The following SPTBN5 variants were observed in gnomAD, a reference collection of about 807,000 sequenced individuals.
SPTBN5 encodes spectrin beta, non-erythrocytic 5, also known as spectrin beta chain, non-erythrocytic 5.
Under a neutral mutation model 477.6 loss-of-function variants are expected in SPTBN5, and 513 were observed. That is an observed-to-expected ratio of 1.07 (90% CI 1.00 to 1.16). The LOEUF (loss-of-function observed/expected upper bound fraction) is 1.16, where lower values mean the gene tolerates loss of function less well. Among genes scored for constraint, SPTBN5 ranks in the 50% most tolerant of loss-of-function variants. The pLI is 0.00. For synonymous variants in SPTBN5, 2,169 were observed against 2,011.7 expected (o/e 1.08, Z -2.09); for missense variants, 5,062 against 4,731.8 (o/e 1.07, Z -2.05).
At position 41,848,559 on chromosome 15, in the gene SPTBN5, C is replaced by G. The variant is rs1456343074; in HGVS notation, c.*57G>C. Reference sequence around the variant, plus strand: ...GCCTGTAGCTGAGTCTTATTCTGGTCCCTTAGATGTGTCCTCGCTTGTGCC... The same window carrying G: ...GCCTGTAGCTGAGTCTTATTCTGGTGCCTTAGATGTGTCCTCGCTTGTGCC... On this transcript the variant is annotated 3_prime_UTR_variant, in exon 68 of 68. Coordinates refer to ENST00000320955, the MANE Select transcript of SPTBN5 (RefSeq NM_016642.4). 6.2e-7 allele frequency: 1 copy of G among 1,608,562 alleles called. No individual in the cohort carries two copies. Among genetic ancestry groups the G allele is most frequent in the African/African-American group, 1.3e-5 (1 of 74,804 alleles).
Position 41,880,231 on chromosome 15 carries a change from T to C in SPTBN5, c.2740A>G (p.Lys914Glu), listed in dbSNP as rs200948092. 236 of 1,602,600 alleles carry C rather than the reference T, an allele frequency of 1.5e-4. 2 individuals carry two copies. The South Asian group carries it at 1.8e-3, about 12-fold the overall frequency. ...ACCCTTTGGAGCAGCACTGTCTGCT[T>C]CTCCAGCCACAACTGGAGCTCCCCA... Reference protein sequence around the residue: ...SCGELQLWLEKQTVLLQRVQP... With the variant: ...SCGELQLWLEEQTVLLQRVQP... The change falls in exon 14 of 68, where the codon AAG becomes GAG. Residue 914 changes from lysine (K) to glutamate (E), a missense_variant. Lys to Glu is a moderately conservative substitution (Grantham distance 56, BLOSUM62 1). Coordinates refer to ENST00000320955, the MANE Select transcript of SPTBN5 (RefSeq NM_016642.4).
At chr15:41,850,133 T>C in intron 66 of SPTBN5, 174 bp from the exon 67 acceptor site, 1 of 609,792 alleles carries the variant, frequency 1.6e-6, no homozygotes. Context: ...TGGGCAGGTT[T>C]TTCCCCCATG....
chr15:41,850,837 C>A lies in SPTBN5; in HGVS notation c.10921+17G>T. 1 of 1,581,380 alleles carries A rather than the reference C, an allele frequency of 6.3e-7. No individual in the cohort carries two copies. Among genetic ancestry groups the A allele is most frequent in the Non-Finnish European group, 8.6e-7 (1 of 1,164,708 alleles). On this transcript the variant is annotated intron_variant, in intron 66 of 67. Transcript: ENST00000320955. ...GGGAGTCGGCCGCCCTCCCCGCATC[C>A]TTCCCCTGAAGCCCACCTGCAGTGC... is the stretch of plus-strand genomic sequence containing the variant.
At position 41,867,106 on chromosome 15, in the gene SPTBN5, C is replaced by T. The variant is rs1356657105; in HGVS notation, c.6333G>A (p.Arg2111=). 6.5e-7 allele frequency: 1 copy of T among 1,539,222 alleles called. No homozygotes were observed. The highest frequency in any genetic ancestry group is 1.2e-5 in the South Asian group (1 of 83,652). ...CCCGGGGGCGCCGGAGCGTCTTCAG[C>T]CGCTCACGCAGGGCTGCCTCCTGTG... The part of the protein sequence containing the change: ...QDKKEAALRE[R]LKTLRRPRVR... The change falls in exon 36 of 68, where the codon CGG becomes CGA. Residue 2111 remains arginine (R), a synonymous_variant. Transcript: ENST00000320955.
Position 41,876,203 on chromosome 15 carries a change from G to A in SPTBN5, c.4033C>T (p.Arg1345Cys), listed in dbSNP as rs560243941. 3.1e-6 allele frequency: 5 copies of A among 1,605,254 alleles called. No homozygotes were observed. Among genetic ancestry groups the A allele is most frequent in the African/African-American group, 2.7e-5 (2 of 74,918 alleles). ...TTGAGTGTCTGCAGGATGTTTCTGC[G>A]CGCTCCGGAGGGCTCATGCGCAGCC... ...LMAAHEPSGA[R>C]RNILQTLKRH... The change falls in exon 21 of 68, where the codon CGC becomes TGC. Residue 1345 changes from arginine (R) to cysteine (C), a missense_variant. Arg to Cys is a radical substitution (Grantham distance 180). Transcript: ENST00000320955.
chr15:41,882,996 C>G lies in SPTBN5; in HGVS notation c.1892G>C (p.Arg631Pro). The change falls in exon 9 of 68, where the codon CGG becomes CCG. Residue 631 changes from arginine to proline, a missense_variant and splice_region_variant. Arg to Pro is a moderately radical substitution (Grantham distance 103). Transcript: ENST00000320955. ...QQSLVALVRA[R>P]RALLEQTLQR... ...TGGAAGAGTTGGGGCAGGCTCTTAC[C>G]GGGCCCTGACAAGAGCCACCAGGCT... The G allele has an allele frequency of 6.5e-7, 1 of 1,538,230 alleles. No individual in the cohort carries two copies.
Position 41,855,273 on chromosome 15 carries a change from G to T in SPTBN5, c.9374C>A (p.Ala3125Glu). 1 of 1,612,368 alleles carries T rather than the reference G, an allele frequency of 6.2e-7. No homozygotes were observed. ...LLLDAWLTTK[A>E]ATAESQDYGQ... ...GTAGTCCTGGGACTCGGCGGTGGCC[G>T]CCTTGGTGGTCAGCCAGGCGTCGAG... Residue 3125 changes from alanine to glutamate, a missense_variant, in exon 55 of 68, where the codon GCG becomes GAG. Transcript: ENST00000320955.
At position 41,856,932 on chromosome 15, in the gene SPTBN5, T is replaced by G; in HGVS notation, c.8729A>C (p.Gln2910Pro). ...RDADEEMAWVQEKLPLAAAQD... is the reference protein window; with the variant it reads ...RDADEEMAWVPEKLPLAAAQD... ...GGCAGCGGCCAGAGGCAGCTTCTCC[T>G]GCACCCAGGCCATTTCCTCGTCGGC... is the stretch of plus-strand genomic sequence containing the variant. Residue 2910 changes from glutamine to proline, a missense_variant, in exon 52 of 68, where the codon CAG (glutamine) becomes CCG (proline). Coordinates refer to ENST00000320955, the MANE Select transcript of SPTBN5 (RefSeq NM_016642.4). The G allele has an allele frequency of 6.4e-7, 1 of 1,570,294 alleles. No homozygotes were observed. Among genetic ancestry groups the G allele is most frequent in the Non-Finnish European group, 8.6e-7 (1 of 1,158,354 alleles).
chr15:41,852,697 G>C lies in SPTBN5; in HGVS notation c.10386C>G (p.His3462Gln), dbSNP rs1159364405. 3 of 1,613,346 alleles carry C rather than the reference G, an allele frequency of 1.9e-6. No homozygotes were observed. Among genetic ancestry groups the C allele is most frequent in the African/African-American group, 2.7e-5 (2 of 74,918 alleles). Residue 3462 changes from histidine (H) to glutamine (Q), a missense_variant, in exon 61 of 68, where the codon CAC becomes CAG. Coordinates refer to ENST00000320955, the MANE Select transcript of SPTBN5 (RefSeq NM_016642.4). ...VSDVELLLHR[H>Q]QDLEKLLAAQ... Reference sequence around the variant, plus strand: ...CTGCCAGCAGCTTTTCTAAGTCCTGGTGTCTGTGCAGCAGCAACTCCACAT... The same window carrying C: ...CTGCCAGCAGCTTTTCTAAGTCCTGCTGTCTGTGCAGCAGCAACTCCACAT...
chr15:41,866,706 C>T (rs955062363), intron 36 of SPTBN5, among the ~76,000 whole-genome samples: 1 of 152,174 alleles, frequency 6.6e-6, no homozygotes, highest in Admixed American at 6.5e-5. Context: ...AGGTGTGGCC[C>T]CTACTCCTGG....
rs1227830454 is a variant in SPTBN5 at position 41,860,638 on chromosome 15, C to T, written c.7936G>A (p.Gly2646Arg). The T allele has an allele frequency of 3.3e-6, 5 of 1,537,588 alleles. No individual in the cohort carries two copies. The highest frequency in any genetic ancestry group is 4.4e-6 in the Non-Finnish European group (5 of 1,141,024). The change falls in exon 47 of 68, where the codon GGG becomes AGG. Residue 2646 changes from glycine to arginine, a missense_variant. Physicochemically the swap from Gly to Arg is moderately radical, Grantham distance 125 (BLOSUM62 -2). Transcript: ENST00000320955. Reference sequence around the variant, plus strand: ...AGGGCACTCTGGGCCTCGGGGTGCCCACCCTGGTGCAGGCCGCGGGCCGTG... The same window carrying T: ...AGGGCACTCTGGGCCTCGGGGTGCCTACCCTGGTGCAGGCCGCGGGCCGTG... Reference protein sequence around the residue: ...EATARGLHQGGHPEAQSALGR... With the variant: ...EATARGLHQGRHPEAQSALGR...
At chr15:41,860,879 AAC>A (rs2140925396) in intron 46 of SPTBN5, 121 bp from the exon 47 acceptor site, 1 of 1,003,728 alleles carries the variant, frequency 1.0e-6, no homozygotes, top group Admixed American at 3.7e-5. Flanking sequence ...GCTCCGCCCA[AAC>A]ACATCCCTCA....
rs2066901474 is a variant in SPTBN5, at chr15:41,880,209, C to G, written c.2762G>C (p.Arg921Thr). 1 of 1,604,842 alleles carries G rather than the reference C, an allele frequency of 6.2e-7. No individual in the cohort carries two copies. The highest frequency in any genetic ancestry group is 8.5e-7 in the Non-Finnish European group (1 of 1,176,444). ...CAGGGTGTCAGCCTGGGGCTGCACCCTTTGGAGCAGCACTGTCTGCTTCTC... is the reference window on the plus strand; with the variant it reads ...CAGGGTGTCAGCCTGGGGCTGCACCGTTTGGAGCAGCACTGTCTGCTTCTC... ...WLEKQTVLLQRVQPQADTLEV... is the reference protein window; with the variant it reads ...WLEKQTVLLQTVQPQADTLEV... Residue 921 changes from arginine to threonine, a missense_variant, in exon 14 of 68, where the codon AGG becomes ACG. Coordinates refer to ENST00000320955, the MANE Select transcript of SPTBN5 (RefSeq NM_016642.4).
chr15:41,880,652 C>T (rs1306872991), intron 13 of SPTBN5, among the ~76,000 whole-genome samples: 2 of 152,074 alleles, frequency 1.3e-5, no homozygotes, highest in African/African-American at 4.8e-5. Context: ...CCTCTCTAGT[C>T]TCTCCTCTGG....
chr15:41,873,890 A>G lies in SPTBN5; in HGVS notation c.4845T>C (p.Cys1615=). The G allele has an allele frequency of 1.2e-6, 2 of 1,611,462 alleles. No homozygotes were observed. The highest frequency in any genetic ancestry group is 1.7e-6 in the Non-Finnish European group (2 of 1,179,878). ...EGHWAELERA[C]EARAQCLQQA... is the part of the protein sequence containing the mutation. Reference sequence around the variant, plus strand: ...GCTGCAGACACTGGGCCCGCGCTTCACATGCCCTCTCCAGCTCTGCCCAGT... The same window carrying G: ...GCTGCAGACACTGGGCCCGCGCTTCGCATGCCCTCTCCAGCTCTGCCCAGT... Residue 1615 remains cysteine, a synonymous_variant, in exon 25 of 68, where the codon TGT becomes TGC. Transcript: ENST00000320955.
chr15:41,866,174 C>A lies in SPTBN5; in HGVS notation c.6686G>T (p.Arg2229Leu), dbSNP rs1329802632. The A allele has an allele frequency of 6.4e-7, 1 of 1,571,610 alleles. No homozygotes were observed. Among genetic ancestry groups the A allele is most frequent in the Admixed American group, 1.9e-5 (1 of 53,714 alleles). The change falls in exon 38 of 68, where the codon CGG (arginine) becomes CTG (leucine). Residue 2229 changes from arginine (R) to leucine (L), a missense_variant. By Grantham distance (102) the Arg-to-Leu change is moderately radical (BLOSUM62 -2). Coordinates refer to ENST00000320955, the MANE Select transcript of SPTBN5 (RefSeq NM_016642.4). ...CCAGTGCTTCCGCAGGCCCTGCAGC[C>A]GCTGGGAGACCTCTCCGGCTCGAGG... is the stretch of plus-strand genomic sequence containing the variant. The part of the protein sequence containing the change: ...SHPRAGEVSQ[R>L]LQGLRKHWED...
Position 41,852,869 on chromosome 15 carries a change from G to A in SPTBN5, c.10302C>T (p.Ala3434=). Residue 3434 remains alanine (A), a synonymous_variant, in exon 60 of 68, where the codon GCC becomes GCT. Transcript: ENST00000320955. ...KLRQRLEQAE[A]WLACWEGLLL... is the part of the protein sequence containing the mutation. ...GGAGTCCCTCCCAGCAGGCCAGCCA[G>A]GCCTCAGCCTGCTCCAGCCTCTGCC... 6.2e-7 allele frequency: 1 copy of A among 1,608,482 alleles called. No individual in the cohort carries two copies. The highest frequency in any genetic ancestry group is 8.5e-7 in the Non-Finnish European group (1 of 1,176,854).
intron 60 of SPTBN5, 33 bp downstream of exon 60, chr15:41,852,791 G>T: frequency 6.2e-7 from 1 of 1,608,392 alleles, no homozygotes; most frequent in Non-Finnish European, 8.5e-7. Flanking sequence ...CCCAGAGCCT[G>T]GTAGCCAGCT....
At chr15:41,877,518 C>A (rs909205250) in intron 17 of SPTBN5, among the ~76,000 whole-genome samples, 162 bp from the exon 18 acceptor site, 3 of 152,244 alleles carry the variant, frequency 2.0e-5, no homozygotes, top group African/African-American at 7.2e-5. Flanking sequence ...AATCCCCCAT[C>A]GGCTCCAGCC....
Sources: gnomAD v4.1 joint callset for allele counts (sites outside exome capture counted in the v4.1 genomes callset) on GRCh38, gnomAD v4.1.1 for gene constraint, MANE v1.5 for transcripts, NCBI Gene and HGNC (gene_info 2026-07-23, HGNC 2026-07-21) for gene names.